Variants in COBLL1 observed in about 807,000 individuals in gnomAD.
The protein encoded by COBLL1 is cordon-bleu protein-like 1.
A neutral mutation model predicts 94.8 loss-of-function variants in COBLL1; 50 were observed. The ratio of observed to expected loss-of-function variants is 0.53; its 90% confidence interval spans 0.42 to 0.67. The LOEUF is 0.67. Ranked by LOEUF, COBLL1 falls within the 30% of genes least tolerant of loss-of-function variation. The pLI, the probability that COBLL1 is intolerant of heterozygous loss-of-function variation, is 0.00. For synonymous variants in COBLL1, 448 were observed against 473.8 expected, an observed-to-expected ratio of 0.95 and a Z score of 0.71; for missense variants, 1,362 against 1,348.7, an observed-to-expected ratio of 1.01 and a Z score of -0.15.
rs1213666388 is a variant in COBLL1, at chr2:164,800,904, C to A, written c.41+40252G>T. 2.0e-5 allele frequency among the ~76,000 whole-genome samples: 3 copies of A among 152,122 alleles called. No homozygotes were observed. In the South Asian group the frequency reaches 6.2e-4, roughly 32 times the overall value. On this transcript the variant is annotated intron_variant, in intron 2 of 13. Transcript: ENST00000652658. ...ACCAGGTGTTATTGATAGGGACGGT[C>A]TCATTATAAAGTAACAGCAAAAGGG... is the stretch of plus-strand genomic sequence containing the variant.
upstream of COBLL1, chr2:164,841,946 C>G (rs1683647759): frequency 6.5e-7 from 1 of 1,534,286 alleles, no homozygotes; most frequent in African/African-American, 1.4e-5. This position sits in a 1 kb window ranked among gnomAD's most constrained non-coding sequence, Gnocchi z 5.5. Context: ...GGAGCCCGCT[C>G]TCTCACTCAC....
chr2:164,773,206 C>A (rs1257471589), intron 2 of COBLL1, among the ~76,000 whole-genome samples: 2 of 90,524 alleles, frequency 2.2e-5, no homozygotes, highest in Non-Finnish European at 4.6e-5. Context: ...CTAAAGTTAG[C>A]TTCATAGGGT....
chr2:164,720,069 G>T (rs985872207), intron 7 of COBLL1, among the ~76,000 whole-genome samples: 2 of 152,080 alleles, frequency 1.3e-5, no homozygotes, highest in African/African-American at 2.4e-5. Flanking sequence ...GCCTAGGAAG[G>T]TATGAATTTT....
chr2:164,668,738 T>C (rs1379146125), intron 1 of COBLL1, among the ~76,000 whole-genome samples: 2 of 152,252 alleles, frequency 1.3e-5, no homozygotes, highest in East Asian at 3.8e-4. Flanking sequence ...TTCTCGTTCA[T>C]GATTATAATT....
Position 164,692,254 on chromosome 2 carries a change from G to T in COBLL1, c.3267C>A (p.Ile1089=), listed in dbSNP as rs748824920. Residue 1089 remains isoleucine, a synonymous_variant, in exon 13 of 14, where the codon ATC becomes ATA. Coordinates refer to ENST00000652658, the MANE Select transcript of COBLL1 (RefSeq NM_001365672.2). Reference sequence around the variant, plus strand: ...ATTTGGCAGCAGCCTCTCCCGAACGGATTGCAGTCAGCAAACTCTGTCGCA... The same window carrying T: ...ATTTGGCAGCAGCCTCTCCCGAACGTATTGCAGTCAGCAAACTCTGTCGCA... ...EQMRQSLLTA[I]RSGEAAAKLK... is the part of the protein sequence containing the mutation. The T allele has an allele frequency of 1.2e-6, 2 of 1,612,460 alleles. No individual in the cohort carries two copies. Among genetic ancestry groups the T allele is most frequent in the Non-Finnish European group, 1.7e-6 (2 of 1,179,254 alleles).
chr2:164,841,333 C>T lies in COBLL1; in HGVS notation c.-50-87G>A. ...GCTGGCTGAGCGTCAAGAGCCCGCCCGAGCCGCTCCAGCCCCGGCCGGCCC... is the reference window on the plus strand; with the variant it reads ...GCTGGCTGAGCGTCAAGAGCCCGCCTGAGCCGCTCCAGCCCCGGCCGGCCC... On this transcript the variant is annotated intron_variant, in intron 1 of 13. Transcript: ENST00000652658. This position sits in a 1 kb window ranked among gnomAD's most constrained non-coding sequence, Gnocchi z 5.5. 8.3e-7 allele frequency: 1 copy of T among 1,204,278 alleles called. No homozygotes were observed. The highest frequency in any genetic ancestry group is 1.0e-6 in the Non-Finnish European group (1 of 970,318). 74.6% of individuals were successfully genotyped at this position (1,204,278 alleles called of 1,614,324 possible).
chr2:164,687,213 CTT>C (rs879090827), intron 13 of COBLL1: 5,911 of 333,278 alleles, frequency 0.018, no homozygotes, highest in Middle Eastern at 0.028. Flanking sequence ...GACTTTCTTT[CTT>C]TTTTTTTTTT....
chr2:164,741,457 G>A (rs1304964116), intron 3 of COBLL1, among the ~76,000 whole-genome samples: 1 of 151,508 alleles, frequency 6.6e-6, no homozygotes, highest in Non-Finnish European at 1.5e-5. Context: ...AAACAGAGAG[G>A]CATTTTAGAT....
chr2:164,818,571 C>CT (rs1302357714), intron 2 of COBLL1, among the ~76,000 whole-genome samples: 1 of 145,684 alleles, frequency 6.9e-6, no homozygotes. Context: ...ACATATATAG[C>CT]ATATATGTAC....
chr2:164,786,410 G>A (rs1446741317), intron 2 of COBLL1, among the ~76,000 whole-genome samples: 1 of 152,170 alleles, frequency 6.6e-6, no homozygotes. Flanking sequence ...TGGAGGAGGT[G>A]AGCGTTGACA....
intron 2 of COBLL1, among the ~76,000 whole-genome samples, chr2:164,830,839 G>A (rs1477912477): frequency 6.6e-6 from 1 of 152,098 alleles, no homozygotes; most frequent in Non-Finnish European, 1.5e-5. Context: ...AATGTGAGAG[G>A]AAAAATGAGT....
intron 3 of COBLL1, among the ~76,000 whole-genome samples, chr2:164,734,044 G>C (rs910083423): frequency 1.3e-5 from 2 of 152,156 alleles, no homozygotes; most frequent in African/African-American, 4.8e-5. Context: ...CCCCAGCCCA[G>C]ATCATTAATC....
chr2:164,805,926 T>C (rs1412657560), intron 2 of COBLL1, among the ~76,000 whole-genome samples: 2 of 152,232 alleles, frequency 1.3e-5, no homozygotes, highest in African/African-American at 4.8e-5. Context: ...CCCAAGTGGC[T>C]GTGCCATTCT....
chr2:164,740,327 C>T (rs1686524680), intron 3 of COBLL1, among the ~76,000 whole-genome samples: 1 of 152,080 alleles, frequency 6.6e-6, no homozygotes, highest in African/African-American at 2.4e-5. Context: ...CTTACCACTG[C>T]ACTCCAGCCT....
intron 7 of COBLL1, among the ~76,000 whole-genome samples, chr2:164,716,400 C>T (rs1164413191): frequency 6.6e-6 from 1 of 151,882 alleles, no homozygotes; most frequent in African/African-American, 2.4e-5. Flanking sequence ...CAAAAACTAC[C>T]AAGAAATACT....
In COBLL1 at chr2:164,689,172, AC is replaced by A. The variant is rs752116810; in HGVS notation, c.3300+3048del. Among the ~76,000 whole-genome samples the A allele has an allele frequency of 5.9e-5, 9 of 152,268 alleles. No individual in the cohort carries two copies. In the East Asian group the frequency reaches 9.6e-4, roughly 16 times the overall value. On this transcript the variant is annotated intron_variant, in intron 13 of 13. Transcript: ENST00000652658. ...AATCCCTTCTGAAACATGAAAAAAA[AC>A]ATGGCATATTTATGACTACATTTAC...
At chr2:164,704,654 C>A in intron 8 of COBLL1, 136 bp from the exon 9 acceptor site, 2 of 710,868 alleles carry the variant, frequency 2.8e-6, no homozygotes, top group Non-Finnish European at 4.7e-6. Flanking sequence ...CTGTAAAACA[C>A]TAAAATCCAC....
At position 164,725,135 on chromosome 2, in the gene COBLL1, A is replaced by ATATATATATATATAT. The variant is rs1558956204; in HGVS notation, c.662-2614_662-2613insATATATATATATATA. On this transcript the variant is annotated intron_variant, in intron 5 of 13. Coordinates refer to ENST00000652658, the MANE Select transcript of COBLL1 (RefSeq NM_001365672.2). Reference sequence around the variant, plus strand: ...ATATATATATATATATATATATATAAAATGAAAGCAGTGGTATTACTCCAT... The same window carrying ATATATATATATATAT: ...ATATATATATATATATATATATATAATATATATATATATATAATGAAAGCAGTGGTATTACTCCAT... 2.6e-3 allele frequency: 147 copies of ATATATATATATATAT among 57,150 alleles called. 5 individuals carry two copies. Among genetic ancestry groups the ATATATATATATATAT allele is most frequent in the African/African-American group, 5.5e-3 (70 of 12,810 alleles). 3.5% of individuals were successfully genotyped at this position (57,150 alleles called of 1,614,324 possible). A position where few individuals can be genotyped will look rare whatever the true frequency, so the allele number is the denominator to read the frequency against.
At chr2:164,830,500 T>C (rs1006824114) in intron 2 of COBLL1, among the ~76,000 whole-genome samples, 1 of 152,200 alleles carries the variant, frequency 6.6e-6, no homozygotes, top group Non-Finnish European at 1.5e-5. Flanking sequence ...ACCCCACATA[T>C]ATATACGAAT....
Sources: gnomAD v4.1 joint callset for allele counts (sites outside exome capture counted in the v4.1 genomes callset) on GRCh38, gnomAD v4.1.1 for gene constraint, Gnocchi (gnomAD v3.1) non-coding constraint, MANE v1.5 for transcripts, NCBI Gene and HGNC (gene_info 2026-07-23, HGNC 2026-07-21) for gene names.